The following ARHGAP6 variants were observed in gnomAD, a reference collection of about 807,000 sequenced individuals.
ARHGAP6 encodes rho GTPase-activating protein 6.
In ARHGAP6, 16 loss-of-function variants were observed where a neutral mutation model predicts 55.7. That is an observed-to-expected ratio of 0.29 (90% CI 0.19 to 0.44). The LOEUF is 0.44. Among genes scored for constraint, ARHGAP6 ranks in the 20% least tolerant of loss-of-function variants. ARHGAP6 has a pLI of 1.00. For missense variants in ARHGAP6, 698 were observed against 808.9 expected (o/e 0.86, Z 1.66); for synonymous variants, 382 against 360.9 (o/e 1.06, Z -0.66).
chrX:11,390,929 A>T (rs1364663597), intron 1 of ARHGAP6, among the ~76,000 whole-genome samples: 95 of 112,056 alleles, frequency 8.5e-4, no homozygotes, highest in African/African-American at 2.8e-3. Flanking sequence ...ATCTAGAACT[A>T]GAAATACCAT....
chrX:11,198,757 T>C (rs1301463845), intron 2 of ARHGAP6, among the ~76,000 whole-genome samples: 1 of 112,292 alleles, frequency 8.9e-6, no homozygotes, highest in South Asian at 3.7e-4. Context: ...GTATTCTATG[T>C]AGATGTGTAT....
At chrX:11,350,930 T>G (rs918418338) in intron 1 of ARHGAP6, among the ~76,000 whole-genome samples, 2 of 111,367 alleles carry the variant, frequency 1.8e-5, no homozygotes, top group Non-Finnish European at 3.8e-5. Flanking sequence ...CTAAATGGTC[T>G]GCAATACTTC....
rs1193448907 is a variant in ARHGAP6 at position 11,138,800 on chromosome X, A to G, written c.*63T>C. ...CTAAGTGTGCCAGTGGCCACCACCC[A>G]CGGTCCCCCCTGGGCTGGAGGGCGG... On this transcript the variant is annotated 3_prime_UTR_variant, in exon 13 of 13. Transcript: ENST00000337414. 1 of 1,097,532 alleles carries G rather than the reference A, an allele frequency of 9.1e-7. No homozygotes were observed. The highest frequency in any genetic ancestry group is 1.2e-6 in the Non-Finnish European group (1 of 830,153). 90.4% of individuals were successfully genotyped at this position (1,097,532 alleles called of 1,213,427 possible).
intron 1 of ARHGAP6, among the ~76,000 whole-genome samples, chrX:11,553,602 C>T (rs2051292457): frequency 9.0e-6 from 1 of 111,641 alleles, no homozygotes; most frequent in Non-Finnish European, 1.9e-5. Flanking sequence ...GGAAATAGTC[C>T]TTTTCTAATT....
At chrX:11,191,435 C>T (rs966592004) in intron 3 of ARHGAP6, among the ~76,000 whole-genome samples, 9 of 112,133 alleles carry the variant, frequency 8.0e-5, no homozygotes, top group East Asian at 2.8e-4. Context: ...TTTACAAAGA[C>T]GGCTGGTGGG....
chrX:11,206,994 C>T (rs2046713307), intron 2 of ARHGAP6, among the ~76,000 whole-genome samples: 1 of 111,427 alleles, frequency 9.0e-6, no homozygotes, highest in Non-Finnish European at 1.9e-5. Flanking sequence ...TCTTTCTTGA[C>T]TTTATACTCA....
At chrX:11,451,038 G>A (rs1393823193) in intron 1 of ARHGAP6, among the ~76,000 whole-genome samples, 1 of 111,392 alleles carries the variant, frequency 9.0e-6, no homozygotes, top group Non-Finnish European at 1.9e-5. Flanking sequence ...GGATCTGGCT[G>A]TGCAGCATAG....
intron 12 of ARHGAP6, 95 bp from the exon 13 acceptor site, chrX:11,139,625 G>A (rs1306674100): frequency 1.1e-6 from 1 of 943,630 alleles, no homozygotes; most frequent in Non-Finnish European, 1.4e-6. Context: ...CTTCTACGAC[G>A]TCCCCCCGGA....
At chrX:11,143,857 A>C in intron 11 of ARHGAP6, 123 bp downstream of exon 11, 1 of 1,195,753 alleles carries the variant, frequency 8.4e-7, no homozygotes, top group Non-Finnish European at 1.1e-6. Flanking sequence ...TGCAGGTTGA[A>C]TTACAGAAAC....
At chrX:11,606,143 TA>T (rs2052033988) in intron 1 of ARHGAP6, among the ~76,000 whole-genome samples, 1 of 112,171 alleles carries the variant, frequency 8.9e-6, no homozygotes, top group African/African-American at 3.2e-5. Context: ...TTGTGCAATT[TA>T]ATTTCACCAT....
chrX:11,139,587 G>A, intron 12 of ARHGAP6, 57 bp from the exon 13 acceptor site: 1 of 1,079,275 alleles, frequency 9.3e-7, no homozygotes, highest in South Asian at 2.5e-5. Flanking sequence ...TCCTTGCTGG[G>A]GATTCAAATC....
At chrX:11,577,105 C>T (rs2051608290) in intron 1 of ARHGAP6, among the ~76,000 whole-genome samples, 1 of 112,336 alleles carries the variant, frequency 8.9e-6, no homozygotes, top group South Asian at 3.7e-4. Flanking sequence ...CCAGGCCAAT[C>T]TCCCCATCTC....
intron 2 of ARHGAP6, among the ~76,000 whole-genome samples, chrX:11,244,230 G>A (rs1478920396): frequency 8.9e-6 from 1 of 111,977 alleles, no homozygotes; most frequent in Non-Finnish European, 1.9e-5. Context: ...TTTCTGTAAA[G>A]ATCCAGAGAA....
At chrX:11,422,510 T>C (rs1459569360) in intron 1 of ARHGAP6, among the ~76,000 whole-genome samples, 1 of 111,887 alleles carries the variant, frequency 8.9e-6, no homozygotes. Context: ...GCTTAAGCAC[T>C]GAAATGTCAC....
intron 10 of ARHGAP6, among the ~76,000 whole-genome samples, chrX:11,151,563 C>G (rs1161752274): frequency 1.8e-5 from 2 of 111,679 alleles, no homozygotes; most frequent in Non-Finnish European, 3.8e-5. Flanking sequence ...TGGTTGAAGC[C>G]AAATACTTAA....
At chrX:11,481,409 A>G (rs1461751191) in intron 1 of ARHGAP6, among the ~76,000 whole-genome samples, 1 of 112,939 alleles carries the variant, frequency 8.9e-6, no homozygotes, top group Non-Finnish European at 1.9e-5. Flanking sequence ...ACAGGGCACT[A>G]TGGAAAGTAG....
intron 1 of ARHGAP6, among the ~76,000 whole-genome samples, chrX:11,645,856 C>T (rs1225277090): frequency 8.9e-6 from 1 of 111,772 alleles, no homozygotes; most frequent in Non-Finnish European, 1.9e-5. Flanking sequence ...GTAACAGGGA[C>T]TTCATAACGA....
intron 1 of ARHGAP6, among the ~76,000 whole-genome samples, chrX:11,320,766 TAC>T (rs56815077): frequency 0.079 from 6,787 of 85,463 alleles, 255 homozygotes; most frequent in Middle Eastern, 0.12. Flanking sequence ...AATATCTCTT[TAC>T]ACACACACAC....
chrX:11,551,941 A>C (rs2051270530), intron 1 of ARHGAP6, among the ~76,000 whole-genome samples: 1 of 111,994 alleles, frequency 8.9e-6, no homozygotes, highest in African/African-American at 3.2e-5. Flanking sequence ...CATTTGTTTA[A>C]GCCACTCAGT....
Sources: gnomAD v4.1 joint callset for allele counts (sites outside exome capture counted in the v4.1 genomes callset) on GRCh38, gnomAD v4.1.1 for gene constraint, MANE v1.5 for transcripts, NCBI Gene and HGNC (gene_info 2026-07-23, HGNC 2026-07-21) for gene names.